ZNF407: variants seen among roughly 807,000 people sequenced by gnomAD.
The protein encoded by ZNF407 is zinc finger protein 407.
A neutral mutation model predicts 131.2 loss-of-function variants in ZNF407; 17 were observed. The ratio of observed to expected loss-of-function variants is 0.13; its 90% CI spans 0.09 to 0.19. The LOEUF (loss-of-function observed/expected upper bound fraction) is 0.19, where lower values mean the gene tolerates loss of function less well. Among genes scored for constraint, ZNF407 ranks in the 10% least tolerant of loss-of-function variants. The pLI is 1.00. For synonymous variants in ZNF407, 1,156 were observed against 1,062.0 expected (o/e 1.09, Z -1.72); for missense variants, 2,681 against 2,830.6 (o/e 0.95, Z 1.20).
chr18:74,905,378 T>TGACA (rs1424289860), intron 7 of ZNF407: 1 of 152,238 alleles, frequency 6.6e-6, no homozygotes, highest in African/African-American at 2.4e-5. Context: ...TTCCTGCGGG[T>TGACA]GACAGAGAGG....
chr18:74,758,776 G>A (rs1237946928), intron 3 of ZNF407, among the ~76,000 whole-genome samples: 2 of 151,996 alleles, frequency 1.3e-5, no homozygotes, highest in Admixed American at 6.6e-5. Context: ...TATTTTTAGT[G>A]GAGATGTTGG....
intron 4 of ZNF407, chr18:74,804,424 C>G (rs1320039137): frequency 2.0e-6 from 2 of 994,242 alleles, no homozygotes; most frequent in African/African-American, 1.7e-5. Context: ...ATTAATTATT[C>G]TAATTAACAC....
intron 7 of ZNF407, among the ~76,000 whole-genome samples, chr18:74,916,328 G>A (rs1419492205): frequency 1.1e-5 from 1 of 90,824 alleles, no homozygotes; most frequent in Non-Finnish European, 2.0e-5. Context: ...GTGCAGCATT[G>A]GTTCGAATCG....
chr18:74,936,792 T>C (rs1972045064), intron 8 of ZNF407, among the ~76,000 whole-genome samples: 1 of 152,242 alleles, frequency 6.6e-6, no homozygotes, highest in Non-Finnish European at 1.5e-5. Flanking sequence ...CATATGAACT[T>C]TCTTTAATAT....
At chr18:75,008,161 C>T (rs187359190) in intron 8 of ZNF407, among the ~76,000 whole-genome samples, 1 of 152,230 alleles carries the variant, frequency 6.6e-6, no homozygotes, top group East Asian at 1.9e-4. Context: ...CAGCAGGGGA[C>T]CCATGGAGGT....
chr18:74,901,105 G>A (rs76265915), intron 7 of ZNF407, among the ~76,000 whole-genome samples: 3,256 of 152,256 alleles, frequency 0.021, 124 homozygotes, highest in African/African-American at 0.073. Flanking sequence ...CATTATAACT[G>A]CTGAGTGTTG....
chr18:74,734,668 A>C (rs1206782579), intron 3 of ZNF407, among the ~76,000 whole-genome samples: 1 of 123,968 alleles, frequency 8.1e-6, no homozygotes, highest in African/African-American at 3.1e-5. Context: ...TTTGAGTTTC[A>C]ATTTGTGTGT....
intron 5 of ZNF407, among the ~76,000 whole-genome samples, chr18:74,878,420 C>T (rs1971189501): frequency 1.3e-5 from 2 of 152,174 alleles, no homozygotes; most frequent in Admixed American, 1.3e-4. Context: ...GCCTCCTTAG[C>T]TTCCTTGACA....
chr18:75,063,463 G>C lies in ZNF407; in HGVS notation c.5742G>C (p.Thr1914=), dbSNP rs372205671. 1 of 1,605,302 alleles carries C rather than the reference G, an allele frequency of 6.2e-7. No homozygotes were observed. Among genetic ancestry groups the C allele is most frequent in the Admixed American group, 1.7e-5 (1 of 58,932 alleles). ...CGGAGGATGGCCAGGTCATCGCCAC[G>C]AGTCAGAGCGGGGCACATGTAGGCA... The part of the protein sequence containing the change: ...HITEDGQVIA[T]SQSGAHVGSV... The change falls in exon 9 of 9, where the codon ACG becomes ACC. Residue 1914 remains threonine (T), a synonymous_variant. Coordinates refer to ENST00000299687, the MANE Select transcript of ZNF407 (RefSeq NM_017757.3). This position sits in a 1 kb window ranked among gnomAD's most constrained non-coding sequence, Gnocchi z 6.6.
At chr18:74,966,483 G>C (rs1972411180) in intron 8 of ZNF407, among the ~76,000 whole-genome samples, 2 of 152,152 alleles carry the variant, frequency 1.3e-5, no homozygotes, top group South Asian at 4.1e-4. Flanking sequence ...TAGGTATGTG[G>C]ATTTGTTTCT....
intron 4 of ZNF407, among the ~76,000 whole-genome samples, 173 bp from the exon 5 acceptor site, chr18:74,877,024 G>A (rs553681270): frequency 2.0e-5 from 3 of 152,234 alleles, no homozygotes; most frequent in African/African-American, 7.2e-5. Flanking sequence ...GAAGTGCCAG[G>A]CCTCGACAGA....
At chr18:74,922,735 CTA>C (rs1971862433) in intron 8 of ZNF407, among the ~76,000 whole-genome samples, 1 of 152,160 alleles carries the variant, frequency 6.6e-6, no homozygotes, top group African/African-American at 2.4e-5. Flanking sequence ...ATTCAAGTCT[CTA>C]TGTAAAGACA....
chr18:74,917,777 T>G (rs912605014), intron 7 of ZNF407, among the ~76,000 whole-genome samples: 9 of 152,256 alleles, frequency 5.9e-5, no homozygotes, highest in Admixed American at 2.6e-4. Flanking sequence ...ATTTTGGCAA[T>G]TTTAATTTCT....
intron 3 of ZNF407, among the ~76,000 whole-genome samples, chr18:74,675,505 C>G (rs1448665894): frequency 6.6e-6 from 1 of 152,108 alleles, no homozygotes; most frequent in African/African-American, 2.4e-5. Flanking sequence ...CACACAGAGA[C>G]AGGCATCTAA....
At chr18:75,034,873 C>T (rs76201644) in intron 8 of ZNF407, among the ~76,000 whole-genome samples, 2,079 of 152,230 alleles carry the variant, frequency 0.014, 39 homozygotes, top group African/African-American at 0.048. Context: ...TTAATGTATA[C>T]ACTTTAGATT....
chr18:74,666,972 C>G (rs1985955568), intron 3 of ZNF407, among the ~76,000 whole-genome samples: 1 of 152,246 alleles, frequency 6.6e-6, no homozygotes, highest in Non-Finnish European at 1.5e-5. Context: ...TCCGCCCCGC[C>G]TTCATCTTTT....
chr18:74,623,318 G>A (rs546672676), intron 1 of ZNF407, among the ~76,000 whole-genome samples: 8 of 121,660 alleles, frequency 6.6e-5, no homozygotes, highest in African/African-American at 1.9e-4. Flanking sequence ...GTGAGGGTAA[G>A]TGCATGTGTG....
intron 4 of ZNF407, among the ~76,000 whole-genome samples, chr18:74,787,194 A>C (rs545489018): frequency 1.2e-4 from 19 of 152,286 alleles, no homozygotes; most frequent in African/African-American, 4.6e-4. Context: ...CAATTCATCT[A>C]AAGCCGAAGT....
intron 3 of ZNF407, among the ~76,000 whole-genome samples, chr18:74,642,127 A>G (rs898200510): frequency 6.6e-6 from 1 of 152,108 alleles, no homozygotes; most frequent in African/African-American, 2.4e-5. Context: ...TCATCCCAGG[A>G]TGCAGTTGTG....
Sources: gnomAD v4.1 joint callset for allele counts (sites outside exome capture counted in the v4.1 genomes callset) on GRCh38, gnomAD v4.1.1 for gene constraint, Gnocchi (gnomAD v3.1) non-coding constraint, MANE v1.5 for transcripts, NCBI Gene and HGNC (gene_info 2026-07-23, HGNC 2026-07-21) for gene names.